ATP2B4: variants seen among roughly 807,000 people sequenced by gnomAD.
ATP2B4 encodes ATPase plasma membrane Ca2+ transporting 4.
In ATP2B4, 39 loss-of-function variants were observed where a neutral mutation model predicts 110.3. That is an observed-to-expected ratio of 0.35 (90% CI 0.27 to 0.46). The LOEUF is 0.46. Among genes scored for constraint, ATP2B4 ranks in the 20% least tolerant of loss-of-function variants. The pLI is 1.00. For synonymous variants in ATP2B4, 538 were observed against 571.7 expected (o/e 0.94, Z 0.84); for missense variants, 1,135 against 1,530.9 (o/e 0.74, Z 4.32).
chr1:203,727,036 G>A (rs186278743), intron 19 of ATP2B4, among the ~76,000 whole-genome samples: 7 of 152,064 alleles, frequency 4.6e-5, no homozygotes, highest in East Asian at 1.9e-4. Flanking sequence ...TTCCTACTGC[G>A]TACCATGCTG....
intron 1 of ATP2B4, among the ~76,000 whole-genome samples, chr1:203,665,418 C>A (rs759323981): frequency 1.1e-4 from 17 of 152,286 alleles, no homozygotes; most frequent in South Asian, 2.1e-4. Context: ...GGCTAGCAGG[C>A]GTGGGAGATG....
chr1:203,647,835 A>G (rs1663850821), intron 1 of ATP2B4, among the ~76,000 whole-genome samples: 1 of 152,084 alleles, frequency 6.6e-6, no homozygotes, highest in Non-Finnish European at 1.5e-5. Flanking sequence ...TTGGAAGCTG[A>G]CCACCTGGAG....
rs1665745515 is a variant in ATP2B4 at position 203,703,166 on chromosome 1, AG to A, written c.938-485del. On this transcript the variant is annotated intron_variant, in intron 7 of 20. Transcript: ENST00000357681. The stretch of plus-strand genomic sequence containing the variant: ...GTATGTGTTTCTTCCCTGACAATCG[AG>A]AGAGAGAGAGAGAGAGAGAGAGAGA... Among the ~76,000 whole-genome samples, 275 of 77,178 alleles carry A rather than the reference AG, an allele frequency of 3.6e-3. 6 individuals carry two copies. The East Asian group carries it at 0.15, about 41-fold the overall frequency. 50.6% of individuals were successfully genotyped at this position (77,178 alleles called of 152,430 possible).
At chr1:203,728,917 C>A (rs1161502167) in intron 20 of ATP2B4, among the ~76,000 whole-genome samples, 1 of 149,152 alleles carries the variant, frequency 6.7e-6, no homozygotes, top group African/African-American at 2.5e-5. Flanking sequence ...TTTGGGAGGC[C>A]AAGGCAGGTG....
At chr1:203,648,054 G>T (rs111717489) in intron 1 of ATP2B4, among the ~76,000 whole-genome samples, 1 of 152,144 alleles carries the variant, frequency 6.6e-6, no homozygotes, top group South Asian at 2.1e-4. Flanking sequence ...TAAAGGCCAG[G>T]CTTCTAGAAT....
intron 1 of ATP2B4, among the ~76,000 whole-genome samples, chr1:203,644,564 G>C (rs1011258208): frequency 1.3e-5 from 2 of 152,190 alleles, no homozygotes; most frequent in Non-Finnish European, 2.9e-5. Context: ...GTAAAATGAA[G>C]AGTTAGGGCT....
At chr1:203,726,743 G>A (rs774056516) in intron 19 of ATP2B4, among the ~76,000 whole-genome samples, 61 of 152,120 alleles carry the variant, frequency 4.0e-4, no homozygotes, top group Non-Finnish European at 7.6e-4. Context: ...AGCTCACCGG[G>A]AAATTTATTT....
chr1:203,692,678 C>T (rs1175760558), intron 2 of ATP2B4, among the ~76,000 whole-genome samples: 2 of 151,920 alleles, frequency 1.3e-5, no homozygotes. Flanking sequence ...CCTAGCCCCA[C>T]CCTTTCTGGG....
chr1:203,671,966 G>A (rs57853811), intron 1 of ATP2B4, among the ~76,000 whole-genome samples: 90 of 152,266 alleles, frequency 5.9e-4, no homozygotes, highest in African/African-American at 2.1e-3. Flanking sequence ...CTCCTCCCAC[G>A]ACACCTGGTG....
At chr1:203,658,648 A>G (rs1340835903) in intron 1 of ATP2B4, among the ~76,000 whole-genome samples, 1 of 152,238 alleles carries the variant, frequency 6.6e-6, no homozygotes, top group Non-Finnish European at 1.5e-5. Flanking sequence ...GAAATATAAC[A>G]ATGTCTAATT....
rs757568772 is a variant in ATP2B4 at position 203,716,248 on chromosome 1, G to T, written c.2406+1971G>T. Among the ~76,000 whole-genome samples the T allele has an allele frequency of 1.8e-4, 26 of 144,884 alleles. 3 individuals carry two copies. Among genetic ancestry groups the T allele is most frequent in the Non-Finnish European group, 2.5e-4 (16 of 65,066 alleles). On this transcript the variant is annotated intron_variant, in intron 15 of 20. Transcript: ENST00000357681. Reference sequence around the variant, plus strand: ...AAGAAAAAGACAATGGCAGAATCTGGATAAATCTATTTGCAGTCTTTCTTA... The same window carrying T: ...AAGAAAAAGACAATGGCAGAATCTGTATAAATCTATTTGCAGTCTTTCTTA...
At chr1:203,672,631 G>A (rs994860288) in intron 1 of ATP2B4, among the ~76,000 whole-genome samples, 1 of 152,246 alleles carries the variant, frequency 6.6e-6, no homozygotes, top group East Asian at 1.9e-4. Context: ...GGAACCGTGG[G>A]GGATGGCAGG....
chr1:203,712,360 C>T (rs1288946293), intron 13 of ATP2B4, among the ~76,000 whole-genome samples: 1 of 152,076 alleles, frequency 6.6e-6, no homozygotes, highest in African/African-American at 2.4e-5. Context: ...TGGGAGGCCA[C>T]GGCGGGTGGA....
intron 11 of ATP2B4, among the ~76,000 whole-genome samples, chr1:203,710,568 A>C (rs1296900258): frequency 3.3e-5 from 5 of 152,238 alleles, no homozygotes; most frequent in Non-Finnish European, 7.3e-5. Flanking sequence ...GGATTGAAAA[A>C]GTCTCTCTGC....
chr1:203,711,957 T>C lies in ATP2B4; in HGVS notation c.2032-3T>C, dbSNP rs2275321. The C allele has an allele frequency of 0.031, 49,237 of 1,613,846 alleles. 5,308 individuals carry two copies. In the East Asian group the frequency reaches 0.31, roughly 10 times the overall value. On this transcript the variant is annotated splice_polypyrimidine_tract_variant and splice_region_variant and intron_variant, in intron 12 of 20. Transcript: ENST00000357681. ...GCCTTTCCCCTTTCTTCACTCTCCATAGGTGCCAGATGCTATTGCCAAATG... is the reference window on the plus strand; with the variant it reads ...GCCTTTCCCCTTTCTTCACTCTCCACAGGTGCCAGATGCTATTGCCAAATG...
chr1:203,730,230 T>TAAAA (rs111392425), intron 20 of ATP2B4, among the ~76,000 whole-genome samples: 1 of 137,292 alleles, frequency 7.3e-6, no homozygotes, highest in Non-Finnish European at 1.6e-5. Context: ...AGAGCTGAAT[T>TAAAA]AAAAAAAAAA....
intron 20 of ATP2B4, among the ~76,000 whole-genome samples, chr1:203,735,070 T>C (rs1169433456): frequency 6.9e-6 from 1 of 144,736 alleles, no homozygotes; most frequent in Non-Finnish European, 1.5e-5. Flanking sequence ...ACGAGAAATA[T>C]ACAAAAGAGT....
intron 2 of ATP2B4, among the ~76,000 whole-genome samples, chr1:203,684,562 G>T (rs7555703): frequency 0.83 from 126,469 of 151,858 alleles, 53,478 homozygotes; most frequent in East Asian, 1. Flanking sequence ...TTCACCCTGT[G>T]GGTCAGGCTG....
chr1:203,635,182 C>T (rs1269009848), intron 1 of ATP2B4, among the ~76,000 whole-genome samples: 1 of 152,114 alleles, frequency 6.6e-6, no homozygotes, highest in Non-Finnish European at 1.5e-5. Context: ...CCATGTTGGT[C>T]AGGCTGGTCT....
Sources: allele counts gnomAD v4.1 joint callset (sites outside exome capture counted in the v4.1 genomes callset), GRCh38; gene constraint gnomAD v4.1.1; transcripts MANE v1.5; gene names NCBI Gene and HGNC (gene_info 2026-07-23, HGNC 2026-07-21).